KRT18: variants seen among roughly 807,000 people sequenced by gnomAD.
The protein encoded by KRT18 is keratin 18.
Under a neutral mutation model 39.9 loss-of-function variants are expected in KRT18, and 8 were observed. The observed-to-expected ratio is 0.20, with a 90% CI of 0.12 to 0.36. The LOEUF is 0.36. Among genes scored for constraint, KRT18 ranks in the 10% least tolerant of loss-of-function variants. KRT18 has a pLI of 1.00. For missense variants in KRT18, 396 were observed against 565.7 expected, an observed-to-expected ratio of 0.70 and a Z score of 3.04; for synonymous variants, 194 against 227.8, an observed-to-expected ratio of 0.85 and a Z score of 1.33.
intron 3 of KRT18, 90 bp downstream of exon 3, chr12:52,950,996 C>T: frequency 7.9e-7 from 1 of 1,269,810 alleles, no homozygotes; most frequent in Non-Finnish European, 1.1e-6. Flanking sequence ...CTGCAAGTAG[C>T]CTTGCTAAGA....
At position 52,952,315 on chromosome 12, in the gene KRT18, G is replaced by T. The variant is rs770506633; in HGVS notation, c.1145G>T (p.Arg382Leu). ...KLEAEIATYR[R>L]LLEDGEDFNL... ...GAGGCTGAGATCGCCACCTACCGCC[G>T]CCTGCTGGAAGATGGCGAGGACTTT... The change falls in exon 6 of 7, where the codon CGC becomes CTC. Residue 382 changes from arginine to leucine, a missense_variant. Coordinates refer to ENST00000388835, the MANE Select transcript of KRT18 (RefSeq NM_000224.3). The T allele has an allele frequency of 6.9e-6, 11 of 1,605,498 alleles. No individual in the cohort carries two copies. The highest frequency in any genetic ancestry group is 1.3e-5 in the African/African-American group (1 of 74,868).
chr12:52,952,322 G>C lies in KRT18; in HGVS notation c.1152G>C (p.Leu384=). 6.2e-7 allele frequency: 1 copy of C among 1,603,356 alleles called. No individual in the cohort carries two copies. The highest frequency in any genetic ancestry group is 8.5e-7 in the Non-Finnish European group (1 of 1,175,326). Residue 384 remains leucine, a synonymous_variant, in exon 6 of 7, where the codon CTG becomes CTC. Coordinates refer to ENST00000388835, the MANE Select transcript of KRT18 (RefSeq NM_000224.3). ...AGATCGCCACCTACCGCCGCCTGCTGGAAGATGGCGAGGACTTTAAGTGAG... is the reference window on the plus strand; with the variant it reads ...AGATCGCCACCTACCGCCGCCTGCTCGAAGATGGCGAGGACTTTAAGTGAG... ...EAEIATYRRL[L]EDGEDFNLGD...
Position 52,950,879 on chromosome 12 carries a change from G to T in KRT18, c.630G>T (p.Leu210=), listed in dbSNP as rs1175528665. ...AGATCGAGGCTCTCAAGGAGGAGCT[G>T]CTCTTCATGAAGAAGAACCACGAAG... is the stretch of plus-strand genomic sequence containing the variant. ...ETEIEALKEE[L]LFMKKNHEEE... The change falls in exon 3 of 7, where the codon CTG becomes CTT. Residue 210 remains leucine, a synonymous_variant. Coordinates refer to ENST00000388835, the MANE Select transcript of KRT18 (RefSeq NM_000224.3). The T allele has an allele frequency of 6.3e-7, 1 of 1,590,144 alleles. No individual in the cohort carries two copies. The highest frequency in any genetic ancestry group is 1.3e-5 in the African/African-American group (1 of 74,666).
chr12:52,949,643 A>C, intron 1 of KRT18, 53 bp downstream of exon 1: 2 of 1,467,388 alleles, frequency 1.4e-6, no homozygotes, highest in Non-Finnish European at 1.9e-6. Context: ...CTCCAATTAT[A>C]CACTCCTTTG....
At chr12:52,952,639 A>C in intron 6 of KRT18, 83 bp from the exon 7 acceptor site, 1 of 1,456,836 alleles carries the variant, frequency 6.9e-7, no homozygotes, top group East Asian at 2.3e-5. Context: ...GGTAGAGGTC[A>C]GGAGGCTTTT....
At chr12:52,950,598 G>A in intron 2 of KRT18, 152 bp from the exon 3 acceptor site, 1 of 854,194 alleles carries the variant, frequency 1.2e-6, no homozygotes, top group Non-Finnish European at 2.0e-6. Flanking sequence ...TGTCCTCCAA[G>A]TGCCAAGAAT....
At chr12:52,950,726 C>G (rs768010605) in intron 2 of KRT18, 24 bp from the exon 3 acceptor site, 2 of 1,605,224 alleles carry the variant, frequency 1.2e-6, no homozygotes, top group Non-Finnish European at 1.7e-6. Flanking sequence ...ATAGGGGCCC[C>G]TCTGATCACC....
intron 1 of KRT18, 88 bp downstream of exon 1, chr12:52,949,678 C>CT (rs386376559): frequency 9.4e-7 from 1 of 1,063,042 alleles, no homozygotes; most frequent in African/African-American, 3.6e-5. Flanking sequence ...TCCATAACCA[C>CT]CCAACCCCTA....
rs745822356 is a variant in KRT18 at position 52,949,147 on chromosome 12, C to T, written c.-27C>T. ...CCACCGTCGTCCGCAAAGCCTGAGTCCTGTCCTTTCTCTCTCCCCGGACAG... is the reference window on the plus strand; with the variant it reads ...CCACCGTCGTCCGCAAAGCCTGAGTTCTGTCCTTTCTCTCTCCCCGGACAG... On this transcript the variant is annotated 5_prime_UTR_variant, in exon 1 of 7. Transcript: ENST00000388835. 1.3e-6 allele frequency: 2 copies of T among 1,589,410 alleles called. No homozygotes were observed. The highest frequency in any genetic ancestry group is 1.1e-5 in the South Asian group (1 of 90,380).
chr12:52,950,522 A>G (rs1942463954), intron 2 of KRT18, 112 bp downstream of exon 2: 2 of 874,570 alleles, frequency 2.3e-6, no homozygotes. Flanking sequence ...GTGTGGGTGG[A>G]TGAGAGTCAG....
At position 52,950,358 on chromosome 12, in the gene KRT18, A is replaced by G. The variant is rs59979366; in HGVS notation, c.448A>G (p.Ile150Val). 1.8e-4 allele frequency: 288 copies of G among 1,613,652 alleles called. 1 individual carries two copies. The African/African-American group carries it at 3.6e-3, about 20-fold the overall frequency. Reference sequence around the variant, plus strand: ...CGCAAATACTGTGGACAATGCCCGCATCGTTCTGCAGATTGACAATGCCCG... The same window carrying G: ...CGCAAATACTGTGGACAATGCCCGCGTCGTTCTGCAGATTGACAATGCCCG... ...IFANTVDNAR[I>V]VLQIDNARLA... is the part of the protein sequence containing the mutation. The change falls in exon 2 of 7, where the codon ATC becomes GTC. Residue 150 changes from isoleucine to valine, a missense_variant. Coordinates refer to ENST00000388835, the MANE Select transcript of KRT18 (RefSeq NM_000224.3).
chr12:52,951,361 A>G, intron 3 of KRT18, 120 bp from the exon 4 acceptor site: 1 of 1,041,818 alleles, frequency 9.6e-7, no homozygotes, highest in Non-Finnish European at 1.5e-6. Flanking sequence ...AGTGCAAGCC[A>G]AGGGGTTCCT....
At chr12:52,952,496 AAC>A in intron 6 of KRT18, 154 bp downstream of exon 6, 1 of 751,978 alleles carries the variant, frequency 1.3e-6, no homozygotes, top group South Asian at 1.5e-5. Flanking sequence ...TCAAGGGAGT[AAC>A]AGTTACAGAG....
At chr12:52,949,735 C>T (rs1565737837) in intron 1 of KRT18, 145 bp downstream of exon 1, 1 of 773,478 alleles carries the variant, frequency 1.3e-6, no homozygotes. Context: ...ATCCGCGCAC[C>T]TAGCCACAGG....
At position 52,950,627 on chromosome 12, in the gene KRT18, A is replaced by T. The variant is rs1053794825; in HGVS notation, c.501-123A>T. ...CAAGAATGGTGCTCAGGGGATTACC[A>T]CCTAATTGCTGACTCAAGTTGCTGG... On this transcript the variant is annotated intron_variant, in intron 2 of 6. Coordinates refer to ENST00000388835, the MANE Select transcript of KRT18 (RefSeq NM_000224.3). The T allele has an allele frequency of 5.5e-5, 55 of 1,000,790 alleles. No individual in the cohort carries two copies. In the Admixed American group the frequency reaches 1.1e-3, roughly 20 times the overall value. 62.0% of individuals were successfully genotyped at this position (1,000,790 alleles called of 1,614,324 possible).
At position 52,950,320 on chromosome 12, in the gene KRT18, C is replaced by T; in HGVS notation, c.418-8C>T. 6.3e-7 allele frequency: 1 copy of T among 1,585,862 alleles called. No homozygotes were observed. On this transcript the variant is annotated splice_region_variant and splice_polypyrimidine_tract_variant and intron_variant, in intron 1 of 6. Coordinates refer to ENST00000388835, the MANE Select transcript of KRT18 (RefSeq NM_000224.3). ...TCATGGAACAACCTCTCTCTACAAT[C>T]CCTCCAGATCTTCGCAAATACTGTG... is the stretch of plus-strand genomic sequence containing the variant.
At position 52,952,727 on chromosome 12, in the gene KRT18, G is replaced by T; in HGVS notation, c.1178G>T (p.Gly393Val). The T allele has an allele frequency of 6.2e-7, 1 of 1,612,662 alleles. No homozygotes were observed. The stretch of plus-strand genomic sequence containing the variant: ...GGCTTGGTCTTCTGTTACAGTCTTG[G>T]TGATGCCTTGGACAGCAGCAACTCC... ...LLEDGEDFNL[G>V]DALDSSNSMQ... The change falls in exon 7 of 7, where the codon GGT becomes GTT. Residue 393 changes from glycine to valine, a missense_variant. Coordinates refer to ENST00000388835, the MANE Select transcript of KRT18 (RefSeq NM_000224.3).
At chr12:52,949,629 G>A (rs567645766) in intron 1 of KRT18, 39 bp downstream of exon 1, 2 of 1,557,100 alleles carry the variant, frequency 1.3e-6, no homozygotes, top group South Asian at 2.2e-5. Context: ...AGCCTTGTCT[G>A]ACCCTCCAAT....
intron 1 of KRT18, 52 bp downstream of exon 1, chr12:52,949,642 T>G: frequency 6.8e-7 from 1 of 1,471,142 alleles, no homozygotes; most frequent in Non-Finnish European, 9.5e-7. Context: ...CCTCCAATTA[T>G]ACACTCCTTT....
Sources: gnomAD v4.1 joint callset for allele counts on GRCh38, gnomAD v4.1.1 for gene constraint, MANE v1.5 for transcripts, NCBI Gene and HGNC (gene_info 2026-07-23, HGNC 2026-07-21) for gene names.